Variants in FRMD3 observed in about 807,000 individuals in gnomAD.
FRMD3 encodes FERM domain-containing protein 3.
Under a neutral mutation model 70.2 loss-of-function variants are expected in FRMD3, and 33 were observed. That is an observed-to-expected ratio of 0.47 (90% CI 0.36 to 0.63). FRMD3 has a LOEUF of 0.63. FRMD3 is among the 20% of genes least tolerant of loss of function. The probability of loss-of-function intolerance (pLI) is 0.00; values close to 1 mark genes in which losing one functional copy is unlikely to be tolerated. For missense variants in FRMD3, 632 were observed against 711.4 expected (o/e 0.89, Z 1.27); for synonymous variants, 279 against 255.9 (o/e 1.09, Z -0.86).
At chr9:83,303,394 T>C (rs1834998652) in intron 10 of FRMD3, among the ~76,000 whole-genome samples, 1 of 152,254 alleles carries the variant, frequency 6.6e-6, no homozygotes, top group Non-Finnish European at 1.5e-5. Context: ...CTAGTCTGTC[T>C]GATTTCAGTA....
At position 83,421,364 on chromosome 9, in the gene FRMD3, T is replaced by G. The variant is rs575058584; in HGVS notation, c.148-31656A>C. Among the ~76,000 whole-genome samples the G allele has an allele frequency of 7.9e-5, 12 of 152,326 alleles. No homozygotes were observed. In the South Asian group the frequency reaches 2.5e-3, roughly 32 times the overall value. ...CTGCACTCTATTCACATTTTTGCCT[T>G]GAATCCTCATCATGGCCTTGCAATT... On this transcript the variant is annotated intron_variant, in intron 1 of 13. Transcript: ENST00000304195.
intron 5 of FRMD3, among the ~76,000 whole-genome samples, chr9:83,338,962 T>A (rs553600145): frequency 5.7e-4 from 87 of 152,268 alleles, no homozygotes; most frequent in Non-Finnish European, 1.0e-3. Flanking sequence ...AGATGGACGA[T>A]CCCAGTGCTT....
chr9:83,287,908 C>T (rs759345438), intron 13 of FRMD3, among the ~76,000 whole-genome samples: 5 of 152,236 alleles, frequency 3.3e-5, no homozygotes, highest in Admixed American at 6.5e-5. Context: ...AGAGCATCTT[C>T]ATGTCTTCAT....
At chr9:83,538,551 A>G (rs1301637033), upstream of FRMD3, 3 of 222,832 alleles carry the variant, frequency 1.3e-5, no homozygotes, top group African/African-American at 4.6e-5. This position sits in a 1 kb window ranked among gnomAD's most constrained non-coding sequence, Gnocchi z 4.7. Flanking sequence ...CTCGCGACGC[A>G]CTCACTCCCA....
At chr9:83,509,787 GCACA>G (rs34264142) in intron 1 of FRMD3, among the ~76,000 whole-genome samples, 60 of 149,474 alleles carry the variant, frequency 4.0e-4, no homozygotes, top group African/African-American at 1.2e-3. Flanking sequence ...ACACGCGCGC[GCACA>G]CACACACACA....
intron 1 of FRMD3, among the ~76,000 whole-genome samples, chr9:83,439,257 G>T (rs1827230024): frequency 6.6e-6 from 1 of 152,246 alleles, no homozygotes; most frequent in Non-Finnish European, 1.5e-5. Context: ...TCCAGAGAGA[G>T]TTAGGACATT....
intron 12 of FRMD3, among the ~76,000 whole-genome samples, chr9:83,296,633 A>G (rs1834672298): frequency 6.6e-6 from 1 of 152,178 alleles, no homozygotes; most frequent in Non-Finnish European, 1.5e-5. Flanking sequence ...GGGAGGTGGA[A>G]CAGAAAGAGC....
At chr9:83,346,894 A>C (rs1536888) in intron 4 of FRMD3, among the ~76,000 whole-genome samples, 47,418 of 152,034 alleles carry the variant, frequency 0.31, 7,763 homozygotes, top group Non-Finnish European at 0.35. Flanking sequence ...CTTTGAGGAC[A>C]GGCCCAAGAC....
Position 83,343,231 on chromosome 9 carries a change from G to A in FRMD3, c.431C>T (p.Ser144Phe), listed in dbSNP as rs748855668. The change falls in exon 5 of 14, where the codon TCC becomes TTC. Residue 144 changes from serine (S) to phenylalanine (F), a missense_variant. Transcript: ENST00000304195. Reference sequence around the variant, plus strand: ...ACCCAGGTAGGCAGCATCAGAAAAGGAGCACAGCAGGCGGCCATGAAAAAT... The same window carrying A: ...ACCCAGGTAGGCAGCATCAGAAAAGAAGCACAGCAGGCGGCCATGAAAAAT... ...RDIFHGRLLCSFSDAAYLGAC... is the reference protein window; with the variant it reads ...RDIFHGRLLCFFSDAAYLGAC... The A allele has an allele frequency of 1.9e-6, 3 of 1,613,918 alleles. No homozygotes were observed. Among genetic ancestry groups the A allele is most frequent in the Admixed American group, 1.7e-5 (1 of 59,998 alleles).
chr9:83,447,275 G>A (rs1050460717), intron 1 of FRMD3, among the ~76,000 whole-genome samples: 8 of 152,176 alleles, frequency 5.3e-5, no homozygotes, highest in Admixed American at 2.0e-4. Context: ...TGCCCACCTC[G>A]GCCTCCCAAA....
chr9:83,460,185 C>T (rs947655941), intron 1 of FRMD3, among the ~76,000 whole-genome samples: 5 of 152,170 alleles, frequency 3.3e-5, no homozygotes, highest in South Asian at 2.1e-4. Flanking sequence ...TATCCCCACT[C>T]CCTCACTCTT....
intron 1 of FRMD3, among the ~76,000 whole-genome samples, chr9:83,465,025 GAAAA>G (rs147660924): frequency 8.4e-6 from 1 of 119,540 alleles, no homozygotes; most frequent in East Asian, 2.3e-4. Flanking sequence ...GTCTCAAAAA[GAAAA>G]AAAAAAAAAA....
chr9:83,281,876 C>T (rs1330359695), intron 13 of FRMD3, among the ~76,000 whole-genome samples: 1 of 152,184 alleles, frequency 6.6e-6, no homozygotes, highest in African/African-American at 2.4e-5. Flanking sequence ...TGCTGGAAAA[C>T]CAAAGCCTTG....
upstream of FRMD3, among the ~76,000 whole-genome samples, chr9:83,541,966 T>C (rs1315671955): frequency 6.6e-6 from 1 of 152,126 alleles, no homozygotes; most frequent in Admixed American, 6.5e-5. Context: ...TTTTTACCGA[T>C]TGGGTCCCAC....
At chr9:83,295,224 G>T (rs1834611687) in intron 12 of FRMD3, among the ~76,000 whole-genome samples, 1 of 152,206 alleles carries the variant, frequency 6.6e-6, no homozygotes, top group African/African-American at 2.4e-5. Context: ...CATTGTGCAT[G>T]TAAGATGGGC....
At chr9:83,564,331 G>T in the FRMD3 span, among the ~76,000 whole-genome samples, 66 of 152,334 alleles carry the variant, frequency 4.3e-4, no homozygotes, top group East Asian at 9.1e-3. Context: ...TAACTAGGAA[G>T]AAGGGGAAAG....
intron 1 of FRMD3, among the ~76,000 whole-genome samples, chr9:83,515,870 G>A (rs1829443436): frequency 6.6e-6 from 1 of 152,134 alleles, no homozygotes; most frequent in Non-Finnish European, 1.5e-5. Context: ...GCCAAACTAA[G>A]CTTCATTAAG....
Position 83,424,540 on chromosome 9 carries a change from TG to T in FRMD3, c.148-34833del, listed in dbSNP as rs539291421. Among the ~76,000 whole-genome samples, 72 of 152,300 alleles carry T rather than the reference TG, an allele frequency of 4.7e-4. No homozygotes were observed. In the East Asian group the frequency reaches 0.013, roughly 28 times the overall value. On this transcript the variant is annotated intron_variant, in intron 1 of 13. Coordinates refer to ENST00000304195, the MANE Select transcript of FRMD3 (RefSeq NM_174938.6). ...ATGGTATCTTAAAGAGAAACAGGCATGTGCAAAAATTCAATGTGGCTGCATT... is the reference window on the plus strand; with the variant it reads ...ATGGTATCTTAAAGAGAAACAGGCATTGCAAAAATTCAATGTGGCTGCATT...
chr9:83,430,082 T>C (rs1244189617), intron 1 of FRMD3, among the ~76,000 whole-genome samples: 2 of 152,220 alleles, frequency 1.3e-5, no homozygotes, highest in Non-Finnish European at 2.9e-5. Flanking sequence ...TTCTATATTA[T>C]ACATAATGCT....
Sources: allele counts gnomAD v4.1 joint callset (sites outside exome capture counted in the v4.1 genomes callset), GRCh38; gene constraint gnomAD v4.1.1; non-coding constraint Gnocchi (gnomAD v3.1); transcripts MANE v1.5; gene names NCBI Gene and HGNC (gene_info 2026-07-23, HGNC 2026-07-21).